The following PDE10A variants were observed in gnomAD, a reference collection of about 807,000 sequenced individuals.
PDE10A encodes the protein cAMP and cAMP-inhibited cGMP 3',5'-cyclic phosphodiesterase 10A.
PDE10A carries 39 observed loss-of-function variants against 97.7 expected under a neutral mutation model. The observed-to-expected ratio is 0.40, with a 90% CI of 0.31 to 0.52. The LOEUF is 0.52. PDE10A is among the 20% of genes least tolerant of loss of function. The pLI is 0.56. For synonymous variants in PDE10A, 371 were observed against 376.8 expected, an observed-to-expected ratio of 0.98 and a Z score of 0.18; for missense variants, 731 against 1,047.8, an observed-to-expected ratio of 0.70 and a Z score of 4.17.
chr6:165,380,079 G>A (rs867765552), intron 17 of PDE10A, among the ~76,000 whole-genome samples: 3 of 152,162 alleles, frequency 2.0e-5, no homozygotes, highest in East Asian at 1.9e-4. Context: ...AATATCCTTC[G>A]TGTATTAATC....
intron 18 of PDE10A, among the ~76,000 whole-genome samples, chr6:165,362,325 G>A (rs1783475127): frequency 6.6e-6 from 1 of 151,954 alleles, no homozygotes; most frequent in Non-Finnish European, 1.5e-5. Context: ...GAGGGAGAGG[G>A]AGAAAAAGAA....
chr6:165,458,745 C>A (rs1778115927), intron 3 of PDE10A, among the ~76,000 whole-genome samples: 1 of 151,990 alleles, frequency 6.6e-6, no homozygotes, highest in African/African-American at 2.4e-5. Context: ...GTTGGTGTGC[C>A]CCTTTATTCC....
rs1207065407 is a variant in PDE10A, at chr6:165,661,183, T to C, written c.865+764A>G. The C allele has an allele frequency of 2.6e-5, 4 of 152,796 alleles. No homozygotes were observed. Among genetic ancestry groups the C allele is most frequent in the African/African-American group, 9.6e-5 (4 of 41,564 alleles). 9.5% of individuals were successfully genotyped at this position (152,796 alleles called of 1,614,324 possible). A position where few individuals can be genotyped will look rare whatever the true frequency, so the allele number is the denominator to read the frequency against. ...GCGAGGAGGAGTGGCCACGCCACAG[T>C]GGGCCCGGGGGCGCATCCTGCGAGT... On this transcript the variant is annotated intron_variant, in intron 1 of 21. Transcript: ENST00000539869. This position sits in a 1 kb window ranked among gnomAD's most constrained non-coding sequence, Gnocchi z 4.8.
Position 165,384,232 on chromosome 6 carries a change from G to A in PDE10A, c.2610+4066C>T, listed in dbSNP as rs1056328644. On this transcript the variant is annotated intron_variant, in intron 17 of 21. Coordinates refer to ENST00000539869, the MANE Select transcript of PDE10A (RefSeq NM_001385079.1). ...ACAAAATACGATGAAGGCTGAAACCGAGATGTCAAGTAGGGATGGTGCTTG... is the reference window on the plus strand; with the variant it reads ...ACAAAATACGATGAAGGCTGAAACCAAGATGTCAAGTAGGGATGGTGCTTG... 7.2e-5 allele frequency among the ~76,000 whole-genome samples: 11 copies of A among 152,194 alleles called. No homozygotes were observed. The East Asian group carries it at 1.2e-3, about 16-fold the overall frequency.
intron 1 of PDE10A, among the ~76,000 whole-genome samples, chr6:165,822,994 C>T (rs982397072): frequency 9.9e-5 from 15 of 151,878 alleles, no homozygotes; most frequent in East Asian, 3.9e-4. Context: ...CCACCACGCC[C>T]GGCTAATTTT....
chr6:165,715,135 T>C (rs1791994849), intron 1 of PDE10A, among the ~76,000 whole-genome samples: 1 of 152,200 alleles, frequency 6.6e-6, no homozygotes, highest in Admixed American at 6.5e-5. Flanking sequence ...CAGGGCTCAG[T>C]GACCAGGTGC....
At chr6:165,811,916 C>T (rs372030438) in intron 1 of PDE10A, among the ~76,000 whole-genome samples, 16 of 152,074 alleles carry the variant, frequency 1.1e-4, no homozygotes, top group African/African-American at 3.4e-4. Context: ...TGCAGTGGTG[C>T]GATCTCAGCT....
chr6:165,470,002 GT>G (rs1168007875), intron 3 of PDE10A, among the ~76,000 whole-genome samples: 1 of 152,302 alleles, frequency 6.6e-6, no homozygotes, highest in East Asian at 1.9e-4. Context: ...TAGCCCTGTG[GT>G]TTTCAGCTGC....
At chr6:165,889,739 A>G (rs746680483) in intron 1 of PDE10A, among the ~76,000 whole-genome samples, 7 of 152,052 alleles carry the variant, frequency 4.6e-5, no homozygotes, top group Non-Finnish European at 7.4e-5. Context: ...TGGACCCTCT[A>G]GACTAACACG....
chr6:165,707,617 T>C (rs531017214), intron 1 of PDE10A, among the ~76,000 whole-genome samples: 1 of 152,130 alleles, frequency 6.6e-6, no homozygotes, highest in Non-Finnish European at 1.5e-5. Context: ...TGTGTGCATG[T>C]GTGAGCATGT....
chr6:165,837,976 A>G (rs187918801), intron 1 of PDE10A, among the ~76,000 whole-genome samples: 190 of 151,966 alleles, frequency 1.3e-3, no homozygotes, highest in African/African-American at 4.3e-3. Context: ...TGAGCCACCT[A>G]TATCTCTCCT....
At chr6:165,635,483 G>C (rs1184665620) in intron 1 of PDE10A, among the ~76,000 whole-genome samples, 1 of 152,120 alleles carries the variant, frequency 6.6e-6, no homozygotes, top group African/African-American at 2.4e-5. Flanking sequence ...GTGTGTGTGT[G>C]TGTGGGTGTG....
At chr6:165,900,831 A>G (rs1256913050) in intron 1 of PDE10A, among the ~76,000 whole-genome samples, 1 of 152,250 alleles carries the variant, frequency 6.6e-6, no homozygotes, top group African/African-American at 2.4e-5. Context: ...TAGTTCCTGC[A>G]TGCCACTGTG....
intron 1 of PDE10A, among the ~76,000 whole-genome samples, chr6:165,635,651 T>G (rs1788840473): frequency 6.6e-6 from 1 of 152,232 alleles, no homozygotes. Flanking sequence ...TAAAATTTAT[T>G]CAGAGGTTTC....
At chr6:165,851,845 C>T (rs765481195) in intron 1 of PDE10A, among the ~76,000 whole-genome samples, 2 of 151,934 alleles carry the variant, frequency 1.3e-5, no homozygotes, top group African/African-American at 2.4e-5. Flanking sequence ...AATCCCAGCA[C>T]TTTGGGAGGC....
At chr6:165,493,704 C>T (rs1410496874) in intron 2 of PDE10A, among the ~76,000 whole-genome samples, 4 of 152,032 alleles carry the variant, frequency 2.6e-5, no homozygotes, top group African/African-American at 9.7e-5. Flanking sequence ...AAATCTAAGA[C>T]CTGAAACCAT....
At chr6:165,981,037 T>G (rs893895538) in intron 1 of PDE10A, among the ~76,000 whole-genome samples, 1 of 152,178 alleles carries the variant, frequency 6.6e-6, no homozygotes, top group Non-Finnish European at 1.5e-5. Flanking sequence ...CACCTCTGTT[T>G]ATTTGAAATT....
chr6:165,903,522 T>C (rs374155900), intron 1 of PDE10A, among the ~76,000 whole-genome samples: 2 of 152,148 alleles, frequency 1.3e-5, no homozygotes, highest in African/African-American at 4.8e-5. Context: ...GAAAAGACAA[T>C]TGGAGGAAGG....
intron 1 of PDE10A, among the ~76,000 whole-genome samples, chr6:165,826,675 C>G (rs971439022): frequency 6.6e-6 from 1 of 152,088 alleles, no homozygotes; most frequent in East Asian, 1.9e-4. Context: ...TGAGCAGGGT[C>G]TCCACTGACC....
Sources: allele counts gnomAD v4.1 joint callset (sites outside exome capture counted in the v4.1 genomes callset), GRCh38; gene constraint gnomAD v4.1.1; non-coding constraint Gnocchi (gnomAD v3.1); transcripts MANE v1.5; gene names NCBI Gene and HGNC (gene_info 2026-07-23, HGNC 2026-07-21).